The following ZNF234 variants were observed in gnomAD, a reference collection of about 807,000 sequenced individuals.
ZNF234 encodes zinc finger protein 234.
ZNF234 carries 4 observed loss-of-function variants against 10.3 expected under a neutral mutation model. The observed-to-expected ratio is 0.39, with a 90% confidence interval of 0.19 to 0.89. The LOEUF is 0.89. ZNF234 is among the 40% of genes least tolerant of loss of function. ZNF234 has a pLI of 0.38. For missense variants in ZNF234, 711 were observed against 836.1 expected, an observed-to-expected ratio of 0.85 and a Z score of 1.85; for synonymous variants, 258 against 280.1, an observed-to-expected ratio of 0.92 and a Z score of 0.79.
At chr19:44,150,711 T>C (rs918593318) in intron 5 of ZNF234, among the ~76,000 whole-genome samples, 3 of 152,086 alleles carry the variant, frequency 2.0e-5, no homozygotes, top group Admixed American at 2.0e-4. Flanking sequence ...GCTAAAGTGA[T>C]CCTTTGGAAA....
At chr19:44,144,684 A>G (rs1968550045) in intron 3 of ZNF234, 37 bp downstream of exon 3, 3 of 1,528,898 alleles carry the variant, frequency 2.0e-6, no homozygotes, top group South Asian at 2.7e-5. Flanking sequence ...TTAAAATTCC[A>G]TCTCACTATT....
intron 5 of ZNF234, among the ~76,000 whole-genome samples, chr19:44,153,931 T>C (rs754619665): frequency 4.6e-5 from 7 of 152,222 alleles, no homozygotes; most frequent in African/African-American, 1.7e-4. Context: ...ACGAGTATTA[T>C]GTCAAAATTA....
chr19:44,141,908 C>G lies in ZNF234; in HGVS notation c.-131+175C>G, dbSNP rs560184052. On this transcript the variant is annotated intron_variant, in intron 1 of 5. Transcript: ENST00000426739. The surrounding 1 kb of genome is among the most constrained non-coding windows in gnomAD (Gnocchi z 4.6). ...CTCGCCCACTCCGCCTCCCTGCACT[C>G]CAGGCGCGCAGTCACTTTTTTACAG... is the stretch of plus-strand genomic sequence containing the variant. 2.0e-5 allele frequency: 3 copies of G among 152,360 alleles called. No homozygotes were observed. The South Asian group carries it at 6.2e-4, about 32-fold the overall frequency. 9.4% of individuals were successfully genotyped at this position (152,360 alleles called of 1,614,324 possible).
intron 3 of ZNF234, 174 bp from the exon 4 acceptor site, chr19:44,148,597 A>T: frequency 1.1e-6 from 1 of 882,360 alleles, no homozygotes; most frequent in Non-Finnish European, 1.9e-6. Context: ...TACTGACACT[A>T]AGGAAAATCA....
rs1968900578 is a variant in ZNF234 at position 44,156,927 on chromosome 19, A to G, written c.911A>G (p.Asn304Ser). 1 of 1,614,050 alleles carries G rather than the reference A, an allele frequency of 6.2e-7. No homozygotes were observed. The highest frequency in any genetic ancestry group is 1.1e-5 in the South Asian group (1 of 91,082). ...GKNFRRRSAL[N>S]NHCMVHTGEK... is the part of the protein sequence containing the mutation. ...AACTTCCGTCGTAGATCAGCACTTA[A>G]TAATCATTGCATGGTCCACACAGGA... Residue 304 changes from asparagine to serine, a missense_variant, in exon 6 of 6, where the codon AAT becomes AGT. Physicochemically the swap from Asn to Ser is conservative, Grantham distance 46. Transcript: ENST00000426739.
intron 1 of ZNF234, 163 bp from the exon 2 acceptor site, chr19:44,142,151 C>CT (rs1363410126): frequency 6.6e-6 from 1 of 152,274 alleles, no homozygotes; most frequent in Admixed American, 6.5e-5. Context: ...GGCCTCAGCC[C>CT]TTATCTCTGA....
chr19:44,158,584 G>T lies in ZNF234; in HGVS notation c.*465G>T. 1 of 191,046 alleles carries T rather than the reference G, an allele frequency of 5.2e-6. No individual in the cohort carries two copies. Among genetic ancestry groups the T allele is most frequent in the Non-Finnish European group, 1.1e-5 (1 of 91,478 alleles). The allele number at this position is 191,046 out of a possible 1,614,324, so 11.8% of individuals were successfully genotyped here. A position where few individuals can be genotyped will look rare whatever the true frequency, so the allele number is the denominator to read the frequency against. ...AAATGATTGCCTTCTAATTACAGTA[G>T]CATTCTCTTATTTAAAATATTTGTT... On this transcript the variant is annotated 3_prime_UTR_variant, in exon 6 of 6. Transcript: ENST00000426739.
In ZNF234 at chr19:44,158,177, A is replaced by T; in HGVS notation, c.*58A>T. ...CTGAATGCTTGTAATTAGATTTCAT[A>T]GGAGGGAAAAATTTTCTTTATCAAC... is the stretch of plus-strand genomic sequence containing the variant. On this transcript the variant is annotated 3_prime_UTR_variant, in exon 6 of 6. Transcript: ENST00000426739. The T allele has an allele frequency of 6.4e-7, 1 of 1,566,498 alleles. No homozygotes were observed. The highest frequency in any genetic ancestry group is 8.7e-7 in the Non-Finnish European group (1 of 1,149,338).
chr19:44,152,075 T>A (rs961056547), intron 5 of ZNF234, among the ~76,000 whole-genome samples: 2 of 152,250 alleles, frequency 1.3e-5, no homozygotes, highest in South Asian at 4.1e-4. Context: ...TCTCGGCCCC[T>A]CTCTTACTTC....
rs769506552 is a variant in ZNF234, at chr19:44,156,971, G to A, written c.955G>A (p.Glu319Lys). The change falls in exon 6 of 6, where the codon GAG (glutamate) becomes AAG (lysine). Residue 319 changes from glutamate (E) to lysine (K), a missense_variant. Physicochemically the swap from Glu to Lys is moderately conservative, Grantham distance 56. Transcript: ENST00000426739. ...CACAGGAGAGAAACCATACAAATGT[G>A]AGGACTGTGGTAAGTGTTTCACTTG... ...VHTGEKPYKC[E>K]DCGKCFTCSS... 3 of 1,614,056 alleles carry A rather than the reference G, an allele frequency of 1.9e-6. No homozygotes were observed. The highest frequency in any genetic ancestry group is 8.5e-7 in the Non-Finnish European group (1 of 1,179,962).
chr19:44,144,588 T>C lies in ZNF234; in HGVS notation c.-45T>C. On this transcript the variant is annotated 5_prime_UTR_variant, in exon 3 of 6. The change abolishes an upstream ATG in the 5' untranslated region. Transcript: ENST00000426739. Reference sequence around the variant, plus strand: ...AGGCACGATTCTGCCTTCTCTCAAATGGCATAACTCAGGACTCTGCAAATT... The same window carrying C: ...AGGCACGATTCTGCCTTCTCTCAAACGGCATAACTCAGGACTCTGCAAATT... The C allele has an allele frequency of 6.7e-7, 1 of 1,492,638 alleles. No individual in the cohort carries two copies. The highest frequency in any genetic ancestry group is 9.0e-7 in the Non-Finnish European group (1 of 1,114,252). The allele number at this position is 1,492,638 out of a possible 1,614,324, so 92.5% of individuals were successfully genotyped here.
Position 44,156,709 on chromosome 19 carries a change from A to T in ZNF234, c.693A>T (p.Pro231=). 1 of 1,614,136 alleles carries T rather than the reference A, an allele frequency of 6.2e-7. No individual in the cohort carries two copies. Among genetic ancestry groups the T allele is most frequent in the Non-Finnish European group, 8.5e-7 (1 of 1,180,006 alleles). The change falls in exon 6 of 6, where the codon CCA becomes CCT. Residue 231 remains proline (P), a synonymous_variant. Coordinates refer to ENST00000426739, the MANE Select transcript of ZNF234 (RefSeq NM_006630.3). ...AGAGAGTCCACACTGTAGAGAAACC[A>T]TTCAAATGTGTGGAATGTGGGAAAG... The part of the protein sequence containing the change: ...THQRVHTVEK[P]FKCVECGKGF...
rs1042150955 is a variant in ZNF234, at chr19:44,141,559, A to C, written c.-305A>C. The C allele has an allele frequency of 3.9e-5, 6 of 152,286 alleles. No individual in the cohort carries two copies. Among genetic ancestry groups the C allele is most frequent in the African/African-American group, 1.4e-4 (6 of 41,448 alleles). The allele number at this position is 152,286 out of a possible 1,614,324, so 9.4% of individuals were successfully genotyped here. Reference sequence around the variant, plus strand: ...GAAATGTAGTCCCGCCAATCAGTGGAGTCGCGGGCACTTCCGCTCCAGGGA... The same window carrying C: ...GAAATGTAGTCCCGCCAATCAGTGGCGTCGCGGGCACTTCCGCTCCAGGGA... On this transcript the variant is annotated 5_prime_UTR_variant, in exon 1 of 6. Transcript: ENST00000426739. The surrounding 1 kb of genome is among the most constrained non-coding windows in gnomAD (Gnocchi z 4.6).
Position 44,154,924 on chromosome 19 carries a change from A to G in ZNF234, c.236-1328A>G, listed in dbSNP as rs139294239. On this transcript the variant is annotated intron_variant, in intron 5 of 5. Transcript: ENST00000426739. The stretch of plus-strand genomic sequence containing the variant: ...CATGCTTGGATTACAGATGTGAGCC[A>G]CTGCACCCTGCCAAGAGGCAGCTTT... Among the ~76,000 whole-genome samples, 362 of 152,280 alleles carry G rather than the reference A, an allele frequency of 2.4e-3. 3 individuals are homozygous for G. The highest frequency in any genetic ancestry group is 0.01 in the Middle Eastern group (3 of 294).
intron 5 of ZNF234, among the ~76,000 whole-genome samples, chr19:44,152,571 C>T (rs950723064): frequency 1.3e-5 from 2 of 152,216 alleles, no homozygotes; most frequent in Non-Finnish European, 1.5e-5. Flanking sequence ...GTTGTGACCA[C>T]ACTTTGAGTA....
intron 4 of ZNF234, among the ~76,000 whole-genome samples, chr19:44,149,615 AAG>A (rs1968687814): frequency 6.6e-6 from 1 of 152,116 alleles, no homozygotes; most frequent in Non-Finnish European, 1.5e-5. Flanking sequence ...CAAAAGAAGA[AAG>A]CTTTTTGCCA....
In ZNF234 at chr19:44,157,555, T is replaced by C. The variant is rs776342847; in HGVS notation, c.1539T>C (p.Asn513=). 33 of 1,613,304 alleles carry C rather than the reference T, an allele frequency of 2.0e-5. 1 individual carries two copies. The South Asian group carries it at 3.4e-4, about 17-fold the overall frequency. The change falls in exon 6 of 6, where the codon AAT becomes AAC. Residue 513 remains asparagine, a synonymous_variant. Coordinates refer to ENST00000426739, the MANE Select transcript of ZNF234 (RefSeq NM_006630.3). ...TCCACACAGGGGAGAAACCATATAA[T>C]TGTGAGGAGTGTGGGAAGGTCTTCA... ...CRIHTGEKPY[N]CEECGKVFSQ...
At chr19:44,144,684 A>T in intron 3 of ZNF234, 37 bp downstream of exon 3, 1 of 1,529,016 alleles carries the variant, frequency 6.5e-7, no homozygotes, top group Non-Finnish European at 8.8e-7. Context: ...TTAAAATTCC[A>T]TCTCACTATT....
intron 3 of ZNF234, among the ~76,000 whole-genome samples, chr19:44,146,375 T>C (rs1436077579): frequency 6.6e-6 from 1 of 152,228 alleles, no homozygotes; most frequent in African/African-American, 2.4e-5. Context: ...TTTCTAGTTC[T>C]AGATCCCTGA....
Sources: allele counts gnomAD v4.1 joint callset (sites outside exome capture counted in the v4.1 genomes callset), GRCh38; gene constraint gnomAD v4.1.1; non-coding constraint Gnocchi (gnomAD v3.1); transcripts MANE v1.5; gene names NCBI Gene and HGNC (gene_info 2026-07-23, HGNC 2026-07-21).